WIPI2: variants seen among roughly 807,000 people sequenced by gnomAD.
WIPI2 encodes the protein WD repeat domain phosphoinositide-interacting protein 2.
A neutral mutation model predicts 52.3 loss-of-function variants in WIPI2; 28 were observed. That is an observed-to-expected ratio of 0.54 (90% CI 0.40 to 0.73). WIPI2 has a LOEUF of 0.73. Ranked by LOEUF, WIPI2 falls within the 30% of genes least tolerant of loss-of-function variation. The probability of loss-of-function intolerance (pLI) is 0.00; values close to 1 mark genes in which losing one functional copy is unlikely to be tolerated. For missense variants in WIPI2, 506 were observed against 602.9 expected (o/e 0.84, Z 1.68); for synonymous variants, 268 against 245.0 (o/e 1.09, Z -0.88).
rs373679264 is a variant in WIPI2, at chr7:5,231,471, C to T, written c.*524C>T. ...GAAGTCCGATCTCCCTAGGGCCCCA[C>T]CTGGACCATTTTCCCTCCGTTTTAT... On this transcript the variant is annotated 3_prime_UTR_variant, in exon 13 of 13. Coordinates refer to ENST00000288828, the MANE Select transcript of WIPI2 (RefSeq NM_015610.4). The T allele has an allele frequency of 6.6e-6, 1 of 152,440 alleles. No individual in the cohort carries two copies. The highest frequency in any genetic ancestry group is 1.5e-5 in the Non-Finnish European group (1 of 68,222). 9.4% of individuals were successfully genotyped at this position (152,440 alleles called of 1,614,324 possible).
chr7:5,214,437 G>A (rs1345042684), intron 3 of WIPI2, 98 bp from the exon 4 acceptor site: 31 of 1,612,400 alleles, frequency 1.9e-5, no homozygotes, highest in Non-Finnish European at 2.3e-5. Context: ...TGTGCCCTGC[G>A]TGTCGCCCAG....
intron 4 of WIPI2, among the ~76,000 whole-genome samples, chr7:5,215,449 C>T (rs1782766737): frequency 6.6e-6 from 1 of 152,256 alleles, no homozygotes; most frequent in African/African-American, 2.4e-5. Context: ...TGGTGGGTGG[C>T]ATGTGTGCGT....
intron 3 of WIPI2, among the ~76,000 whole-genome samples, chr7:5,210,343 CAG>C (rs886922804): frequency 4.6e-5 from 7 of 152,244 alleles, no homozygotes; most frequent in South Asian, 2.1e-4. Flanking sequence ...TTCCCAGACT[CAG>C]GGGACGTGTC....
intron 3 of WIPI2, among the ~76,000 whole-genome samples, chr7:5,200,901 C>T (rs1199712926): frequency 6.6e-6 from 1 of 152,208 alleles, no homozygotes; most frequent in Admixed American, 6.5e-5. Context: ...TTTCCATGAT[C>T]AGCGTCCCTG....
Position 5,231,914 on chromosome 7 carries a change from C to T in WIPI2, c.*967C>T, listed in dbSNP as rs1003930543. On this transcript the variant is annotated 3_prime_UTR_variant, in exon 13 of 13. Transcript: ENST00000288828. The stretch of plus-strand genomic sequence containing the variant: ...GCGGGAGACAGCAACAGAGAGTAGG[C>T]GGCTGGGCCACGTCCTTCACAGGGC... The T allele has an allele frequency of 1.3e-5, 4 of 315,246 alleles. No individual in the cohort carries two copies. The highest frequency in any genetic ancestry group is 1.0e-4 in the Admixed American group (2 of 19,910). 19.5% of individuals were successfully genotyped at this position (315,246 alleles called of 1,614,324 possible). A position where few individuals can be genotyped will look rare whatever the true frequency, so the allele number is the denominator to read the frequency against.
At chr7:5,200,471 G>GA (rs1455765746) in intron 3 of WIPI2, among the ~76,000 whole-genome samples, 1 of 152,110 alleles carries the variant, frequency 6.6e-6, no homozygotes, top group Non-Finnish European at 1.5e-5. Flanking sequence ...TCATAGCTGG[G>GA]ATATTGACAT....
At chr7:5,224,270 A>T (rs1352173375) in intron 8 of WIPI2, among the ~76,000 whole-genome samples, 1 of 152,218 alleles carries the variant, frequency 6.6e-6, no homozygotes, top group African/African-American at 2.4e-5. Context: ...TAACCCTGGG[A>T]GTCCAAGTCG....
At chr7:5,192,320 G>C (rs150495859) in intron 1 of WIPI2, among the ~76,000 whole-genome samples, 188 of 152,336 alleles carry the variant, frequency 1.2e-3, no homozygotes, top group Middle Eastern at 3.4e-3. Context: ...AGAAATGGTA[G>C]TAGTAGTAGG....
rs563492285 is a variant in WIPI2, at chr7:5,225,437, G to A, written c.741-386G>A. ...ATTACAAGCTTGAGCCACCGTGCCC[G>A]GCCCTTTGCTCTGTTCTTAAACTTT... On this transcript the variant is annotated intron_variant, in intron 8 of 12. Transcript: ENST00000288828. 1.3e-4 allele frequency among the ~76,000 whole-genome samples: 20 copies of A among 152,184 alleles called. No homozygotes were observed. In the East Asian group the frequency reaches 2.1e-3, roughly 16 times the overall value.
intron 9 of WIPI2, 196 bp from the exon 10 acceptor site, chr7:5,226,984 C>T (rs1184993570): frequency 5.9e-6 from 4 of 673,236 alleles, no homozygotes; most frequent in South Asian, 3.9e-5. Context: ...GCACCCCTCC[C>T]CCGACACCTC....
rs1391240978 is a variant in WIPI2, at chr7:5,199,743, C to T, written c.211+85C>T. 2.2e-6 allele frequency: 3 copies of T among 1,362,004 alleles called. No individual in the cohort carries two copies. The Admixed American group carries it at 6.6e-5, about 30-fold the overall frequency. The allele number at this position is 1,362,004 out of a possible 1,614,324, so 84.4% of individuals were successfully genotyped here. Reference sequence around the variant, plus strand: ...TGGAATGCGATCTAAAATTCAGACGCTGTGGTTGAAGTCCAGACACCCTCT... The same window carrying T: ...TGGAATGCGATCTAAAATTCAGACGTTGTGGTTGAAGTCCAGACACCCTCT... On this transcript the variant is annotated intron_variant, in intron 3 of 12. Transcript: ENST00000288828.
intron 2 of WIPI2, among the ~76,000 whole-genome samples, chr7:5,195,320 C>G (rs148570671): frequency 5.3e-5 from 8 of 152,126 alleles, no homozygotes; most frequent in African/African-American, 1.9e-4. Context: ...GACCTCGACT[C>G]TACACAAAAC....
At chr7:5,226,064 T>C (rs935704151) in intron 9 of WIPI2, 134 bp downstream of exon 9, 21 of 847,896 alleles carry the variant, frequency 2.5e-5, no homozygotes, top group Non-Finnish European at 3.9e-5. Flanking sequence ...GAGCTGGCCA[T>C]GGAGCGAGCA....
chr7:5,211,296 A>C (rs1782547305), intron 3 of WIPI2, among the ~76,000 whole-genome samples: 1 of 152,162 alleles, frequency 6.6e-6, no homozygotes. Flanking sequence ...ACATGGTGAA[A>C]CCCTGTCTCT....
chr7:5,204,192 C>T (rs558355625), intron 3 of WIPI2, among the ~76,000 whole-genome samples: 2 of 152,236 alleles, frequency 1.3e-5, no homozygotes, highest in East Asian at 1.9e-4. Flanking sequence ...CTGGGCCGGG[C>T]GCGGTGGCTC....
intron 3 of WIPI2, among the ~76,000 whole-genome samples, chr7:5,200,410 C>G (rs1057462788): frequency 6.6e-6 from 1 of 152,150 alleles, no homozygotes; most frequent in African/African-American, 2.4e-5. Context: ...TCCCTTGCAT[C>G]CTTTACCCTG....
At chr7:5,196,087 C>G (rs1487023476) in intron 2 of WIPI2, among the ~76,000 whole-genome samples, 1 of 151,544 alleles carries the variant, frequency 6.6e-6, no homozygotes, top group African/African-American at 2.4e-5. Flanking sequence ...CACCTGTAAT[C>G]CCAGCACTTT....
At position 5,230,014 on chromosome 7, in the gene WIPI2, T is replaced by G. The variant is rs1783651485; in HGVS notation, c.1252+276T>G. Among the ~76,000 whole-genome samples the G allele has an allele frequency of 6.6e-6, 1 of 150,954 alleles. No homozygotes were observed. The highest frequency in any genetic ancestry group is 6.6e-5 in the Admixed American group (1 of 15,142). ...CAAACTCCTCCTGGGCTCAAGTGAT[T>G]CTCCCGCCTCAGCCTCCCACAGTGC... On this transcript the variant is annotated intron_variant, in intron 12 of 12. Coordinates refer to ENST00000288828, the MANE Select transcript of WIPI2 (RefSeq NM_015610.4). This position sits in a 1 kb window ranked among gnomAD's most constrained non-coding sequence, Gnocchi z 4.8.
chr7:5,200,838 C>T (rs1324918068), intron 3 of WIPI2, among the ~76,000 whole-genome samples: 1 of 152,176 alleles, frequency 6.6e-6, no homozygotes, highest in Non-Finnish European at 1.5e-5. Context: ...CCTGTTGCTG[C>T]CCCCAAGAGC....
Sources: gnomAD v4.1 joint callset for allele counts (sites outside exome capture counted in the v4.1 genomes callset) on GRCh38, gnomAD v4.1.1 for gene constraint, Gnocchi (gnomAD v3.1) non-coding constraint, MANE v1.5 for transcripts, NCBI Gene and HGNC (gene_info 2026-07-23, HGNC 2026-07-21) for gene names.